Variants in MMP28 observed in about 807,000 individuals in gnomAD.
MMP28 encodes the protein matrix metallopeptidase 28.
A neutral mutation model predicts 60.5 loss-of-function variants in MMP28; 55 were observed. That is an observed-to-expected ratio of 0.91 (90% CI 0.73 to 1.14). MMP28 has a LOEUF of 1.14. Ranked by LOEUF, MMP28 falls within the 50% of genes most tolerant of loss-of-function variation. MMP28 has a pLI of 0.00. For synonymous variants in MMP28, 318 were observed against 312.5 expected (o/e 1.02, Z -0.18); for missense variants, 686 against 738.3 (o/e 0.93, Z 0.82).
At chr17:35,770,947 G>A (rs1236109245) in intron 4 of MMP28, among the ~76,000 whole-genome samples, 1 of 152,096 alleles carries the variant, frequency 6.6e-6, no homozygotes, top group Non-Finnish European at 1.5e-5. Context: ...AGCTACTTGG[G>A]AAGCTGAGGT....
intron 1 of MMP28, among the ~76,000 whole-genome samples, chr17:35,783,890 A>G (rs996803794): frequency 2.4e-4 from 36 of 152,272 alleles, no homozygotes; most frequent in Admixed American, 2.2e-3. Context: ...TTAAAATCTC[A>G]GTAAGCAGAA....
At chr17:35,787,321 C>G (rs920011827) in intron 1 of MMP28, among the ~76,000 whole-genome samples, 1 of 152,196 alleles carries the variant, frequency 6.6e-6, no homozygotes, top group Admixed American at 6.5e-5. Context: ...ACATCTGCTA[C>G]CAGAATGCTC....
At chr17:35,764,042 G>A, downstream of MMP28, 2 of 1,548,378 alleles carry the variant, frequency 1.3e-6, no homozygotes, top group Non-Finnish European at 1.7e-6. Context: ...GGAAACGGAA[G>A]AGCTCCGGGC....
At position 35,756,399 on chromosome 17, in the gene MMP28, T is replaced by C. The variant is rs1323618752; in HGVS notation, c.*16A>G. The C allele has an allele frequency of 1.3e-5, 13 of 985,246 alleles. No individual in the cohort carries two copies. In the African/African-American group the frequency reaches 2.1e-4, roughly 16 times the overall value. 61.0% of individuals were successfully genotyped at this position (985,246 alleles called of 1,614,324 possible). A position where few individuals can be genotyped will look rare whatever the true frequency, so the allele number is the denominator to read the frequency against. ...GTTACTTACATAGTCAATGCCGATC[T>C]CCCAGAACTTTGTCCTCAGGCTGCA... On this transcript the variant is annotated 3_prime_UTR_variant, in exon 3 of 3. Transcript: ENST00000615317.
At chr17:35,769,949 G>A in intron 5 of MMP28, 118 bp downstream of exon 5, 1 of 1,329,960 alleles carries the variant, frequency 7.5e-7, no homozygotes, top group Non-Finnish European at 1.0e-6. Flanking sequence ...ATCGGCGACA[G>A]GGAGGCCAGA....
downstream of MMP28, chr17:35,764,762 C>A (rs1337198442): frequency 6.8e-6 from 6 of 887,854 alleles, no homozygotes; most frequent in Admixed American, 1.9e-4. Flanking sequence ...CGCCCCCATC[C>A]GTCAAGAAGG....
chr17:35,779,884 C>T (rs186303708), intron 1 of MMP28, among the ~76,000 whole-genome samples: 8 of 152,164 alleles, frequency 5.3e-5, no homozygotes, highest in Admixed American at 2.6e-4. Flanking sequence ...TTATGCGTTA[C>T]GTGCATATAC....
rs758310662 is a variant in MMP28, at chr17:35,789,559, AGCTGCATCCCACAAATATTGAT to A, written c.111+5686_111+5707del. ...TGAATTTCATTTAAAGCACTACTTT[AGCTGCATCCCACAAATATTGAT>A]ATGAAATGTTGTATTTTCATTATTA... is the stretch of plus-strand genomic sequence containing the variant. On this transcript the variant is annotated intron_variant, in intron 1 of 7. Transcript: ENST00000605424. 3.7e-3 allele frequency among the ~76,000 whole-genome samples: 569 copies of A among 152,292 alleles called. 6 individuals are homozygous for A. The highest frequency in any genetic ancestry group is 6.0e-3 in the Non-Finnish European group (407 of 68,012).
At position 35,795,374 on chromosome 17, in the gene MMP28, C is replaced by T; in HGVS notation, c.4G>A (p.Val2Ile). 7 of 1,438,382 alleles carry T rather than the reference C, an allele frequency of 4.9e-6. No individual in the cohort carries two copies. The South Asian group carries it at 9.9e-5, about 20-fold the overall frequency. The allele number at this position is 1,438,382 out of a possible 1,614,324, so 89.1% of individuals were successfully genotyped here. A position where few individuals can be genotyped will look rare whatever the true frequency, so the allele number is the denominator to read the frequency against. M[V>I]ARVGLLLRAL... ...CGCAGCAGGAGGCCGACGCGCGCGA[C>T]CATCTCGCCGCCTCCGGTGCAGCCC... The change falls in exon 1 of 8, where the codon GTC becomes ATC. Residue 2 changes from valine to isoleucine, a missense_variant. By Grantham distance (29) the Val-to-Ile change is conservative (BLOSUM62 3). Transcript: ENST00000605424.
chr17:35,777,416 G>A (rs2086365859), intron 3 of MMP28, among the ~76,000 whole-genome samples: 1 of 152,198 alleles, frequency 6.6e-6, no homozygotes, highest in Non-Finnish European at 1.5e-5. Context: ...AGTCAGTACT[G>A]AGGACCCAGA....
chr17:35,775,794 C>T (rs2086308413), intron 3 of MMP28, among the ~76,000 whole-genome samples: 1 of 152,250 alleles, frequency 6.6e-6, no homozygotes, highest in Non-Finnish European at 1.5e-5. Context: ...TGCCCCCAAC[C>T]TCCGCCAGCT....
intron 3 of MMP28, among the ~76,000 whole-genome samples, chr17:35,774,083 T>C (rs2086252883): frequency 6.6e-6 from 1 of 152,218 alleles, no homozygotes; most frequent in South Asian, 2.1e-4. Flanking sequence ...GTGTGTTTTG[T>C]CACTGACTGA....
intron 3 of MMP28, among the ~76,000 whole-genome samples, chr17:35,774,319 G>C (rs898132652): frequency 2.0e-5 from 3 of 152,152 alleles, no homozygotes; most frequent in African/African-American, 7.2e-5. Flanking sequence ...GGCTGGGATT[G>C]TAACCTCAAG....
rs755290122 is a variant in MMP28, at chr17:35,767,818, C to T, written c.1102G>A (p.Gly368Arg). The T allele has an allele frequency of 5.0e-6, 8 of 1,608,816 alleles. No homozygotes were observed. The highest frequency in any genetic ancestry group is 1.3e-5 in the African/African-American group (1 of 74,838). The change falls in exon 7 of 8, where the codon GGG becomes AGG. Residue 368 changes from glycine (G) to arginine (R), a missense_variant. Transcript: ENST00000605424. ...GCAGCCTCAATGTTGGGGGGCAGCC[C>T]GACCCATCTTTCCTGCAGTGGACGG... ...EPRPLQERWV[G>R]LPPNIEAAAV...
chr17:35,771,408 G>C (rs566382788), intron 4 of MMP28, among the ~76,000 whole-genome samples: 1 of 137,972 alleles, frequency 7.2e-6, no homozygotes, highest in Non-Finnish European at 1.5e-5. Context: ...TCCAGCCTGG[G>C]TGACAAAGCG....
At chr17:35,768,454 C>T in intron 5 of MMP28, 75 bp from the exon 6 acceptor site, 1 of 1,221,292 alleles carries the variant, frequency 8.2e-7, no homozygotes, top group South Asian at 1.8e-5. Context: ...CAAGACCTTC[C>T]CTTGGTTACT....
At chr17:35,783,994 C>T (rs928879104) in intron 1 of MMP28, among the ~76,000 whole-genome samples, 1 of 152,102 alleles carries the variant, frequency 6.6e-6, no homozygotes, top group African/African-American at 2.4e-5. Flanking sequence ...TCTATAAAAG[C>T]ACTGAAGTGG....
intron 1 of MMP28, among the ~76,000 whole-genome samples, chr17:35,793,217 A>G (rs1175790724): frequency 6.6e-6 from 1 of 152,208 alleles, no homozygotes; most frequent in Non-Finnish European, 1.5e-5. Flanking sequence ...AGACTGAAAG[A>G]AACTCAATCT....
At chr17:35,771,747 AT>A (rs2086160475) in intron 4 of MMP28, among the ~76,000 whole-genome samples, 5 of 88,568 alleles carry the variant, frequency 5.6e-5, no homozygotes, top group Middle Eastern at 6.8e-3. Flanking sequence ...ATATATATAT[AT>A]ATATATAAAA....
Sources: allele counts gnomAD v4.1 joint callset (sites outside exome capture counted in the v4.1 genomes callset), GRCh38; gene constraint gnomAD v4.1.1; transcripts MANE v1.5; gene names NCBI Gene and HGNC (gene_info 2026-07-23, HGNC 2026-07-21).